Variants in ADAM12 observed in about 807,000 individuals in gnomAD.
ADAM12 encodes the protein ADAM metallopeptidase domain 12, also known as disintegrin and metalloproteinase domain-containing protein 12.
ADAM12 carries 70 observed loss-of-function variants against 106.4 expected under a neutral mutation model. The observed-to-expected ratio is 0.66, with a 90% confidence interval of 0.54 to 0.80. The LOEUF is 0.80. Ranked by LOEUF, ADAM12 falls within the 30% of genes least tolerant of loss-of-function variation. The pLI, the probability that ADAM12 is intolerant of heterozygous loss-of-function variation, is 0.00. For synonymous variants in ADAM12, 420 were observed against 433.5 expected (o/e 0.97, Z 0.39); for missense variants, 1,010 against 1,171.9 (o/e 0.86, Z 2.02).
intron 3 of ADAM12, among the ~76,000 whole-genome samples, chr10:126,163,043 T>A (rs1956964301): frequency 6.6e-6 from 1 of 152,158 alleles, no homozygotes. Context: ...TTTCTCCCGC[T>A]TTCATCATAC....
At chr10:126,329,666 G>A (rs374720240) in intron 2 of ADAM12, among the ~76,000 whole-genome samples, 2 of 152,184 alleles carry the variant, frequency 1.3e-5, no homozygotes, top group East Asian at 1.9e-4. Flanking sequence ...TCATATAAAG[G>A]TGGCCCACTG....
intron 12 of ADAM12, chr10:126,070,619 A>G (rs995851117): frequency 6.6e-6 from 1 of 152,064 alleles, no homozygotes; most frequent in Non-Finnish European, 1.5e-5. Context: ...CATTAAGTCC[A>G]TCTGTGAATT....
intron 3 of ADAM12, among the ~76,000 whole-genome samples, chr10:126,228,769 G>A (rs1189088710): frequency 6.6e-5 from 10 of 152,124 alleles, no homozygotes; most frequent in Non-Finnish European, 1.3e-4. Context: ...GTAGACATGG[G>A]CCAGGCCTCC....
intron 4 of ADAM12, among the ~76,000 whole-genome samples, chr10:126,147,884 T>C (rs1226812404): frequency 6.6e-6 from 1 of 152,258 alleles, no homozygotes; most frequent in Non-Finnish European, 1.5e-5. Flanking sequence ...ACCTGCGTAG[T>C]GCAGGTTCTT....
At chr10:126,304,731 T>C (rs1328717427) in intron 2 of ADAM12, among the ~76,000 whole-genome samples, 2 of 151,814 alleles carry the variant, frequency 1.3e-5, no homozygotes, top group Non-Finnish European at 2.9e-5. Context: ...ATCCAGAATA[T>C]ATAAAGAACT....
intron 9 of ADAM12, among the ~76,000 whole-genome samples, chr10:126,099,566 T>C (rs1473429000): frequency 6.6e-6 from 1 of 152,204 alleles, no homozygotes; most frequent in African/African-American, 2.4e-5. Flanking sequence ...TTGGACAGAC[T>C]CCATTTGGGA....
intron 21 of ADAM12, 41 bp from the exon 22 acceptor site, chr10:126,019,866 G>C: frequency 6.4e-7 from 1 of 1,563,884 alleles, no homozygotes. Context: ...CTTACCAGGA[G>C]CCAGCAGAGG....
intron 5 of ADAM12, among the ~76,000 whole-genome samples, chr10:126,125,249 C>T (rs1453051263): frequency 2.2e-5 from 3 of 134,236 alleles, no homozygotes; most frequent in East Asian, 2.2e-4. Context: ...CTTTTCTTTT[C>T]TTTTTTTTTT....
intron 3 of ADAM12, among the ~76,000 whole-genome samples, chr10:126,201,496 G>A (rs1957700311): frequency 6.6e-6 from 1 of 152,160 alleles, no homozygotes; most frequent in Non-Finnish European, 1.5e-5. Context: ...TCCTCCCAGA[G>A]CCTTGGGAGG....
At chr10:126,202,825 G>A (rs572882381) in intron 3 of ADAM12, among the ~76,000 whole-genome samples, 21 of 152,270 alleles carry the variant, frequency 1.4e-4, no homozygotes, top group African/African-American at 4.3e-4. Context: ...GTTCGCAGAC[G>A]TACGTGTCTC....
chr10:126,311,292 G>A (rs910580127), intron 2 of ADAM12, among the ~76,000 whole-genome samples: 1 of 152,138 alleles, frequency 6.6e-6, no homozygotes, highest in Non-Finnish European at 1.5e-5. Flanking sequence ...GGGCTGGAGT[G>A]GGAGGAGAAA....
At chr10:126,093,713 C>T (rs531879882) in intron 11 of ADAM12, among the ~76,000 whole-genome samples, 16 of 152,332 alleles carry the variant, frequency 1.1e-4, no homozygotes, top group African/African-American at 2.9e-4. Flanking sequence ...AGATAATTAG[C>T]GATTTCTAAA....
chr10:126,122,213 T>A (rs1956128275), intron 5 of ADAM12, among the ~76,000 whole-genome samples: 1 of 152,246 alleles, frequency 6.6e-6, no homozygotes. Flanking sequence ...TCATGTCTCC[T>A]TCTAAGTCAT....
chr10:126,239,183 G>C (rs1404489597), intron 3 of ADAM12, among the ~76,000 whole-genome samples: 1 of 152,212 alleles, frequency 6.6e-6, no homozygotes, highest in East Asian at 1.9e-4. Context: ...ACTAATTCAA[G>C]TAACACCACA....
chr10:126,323,701 T>C (rs1306473003), intron 2 of ADAM12, among the ~76,000 whole-genome samples: 1 of 152,126 alleles, frequency 6.6e-6, no homozygotes, highest in Non-Finnish European at 1.5e-5. Flanking sequence ...CTAATAATGA[T>C]GGTACTCTGT....
intron 1 of ADAM12, among the ~76,000 whole-genome samples, chr10:126,353,633 G>A (rs1309950092): frequency 3.3e-5 from 5 of 152,132 alleles, no homozygotes; most frequent in African/African-American, 9.7e-5. Flanking sequence ...GTTTTATGAA[G>A]GTCTCTGATA....
At chr10:126,227,410 G>A (rs1206655880) in intron 3 of ADAM12, among the ~76,000 whole-genome samples, 3 of 151,926 alleles carry the variant, frequency 2.0e-5, no homozygotes, top group Non-Finnish European at 2.9e-5. Context: ...TCAACTTCAC[G>A]CACATTGTGA....
At chr10:126,378,674 A>G (rs1215637884) in intron 1 of ADAM12, among the ~76,000 whole-genome samples, 1 of 152,196 alleles carries the variant, frequency 6.6e-6, no homozygotes, top group Non-Finnish European at 1.5e-5. Flanking sequence ...GAGAAAAGGT[A>G]TGGCTATAAA....
chr10:126,232,149 T>A (rs1301702371), intron 3 of ADAM12, among the ~76,000 whole-genome samples: 2 of 152,074 alleles, frequency 1.3e-5, no homozygotes, highest in Non-Finnish European at 2.9e-5. Flanking sequence ...ACTTTGCTGA[T>A]GTGATTACAT....
Sources: gnomAD v4.1 joint callset for allele counts (sites outside exome capture counted in the v4.1 genomes callset) on GRCh38, gnomAD v4.1.1 for gene constraint, MANE v1.5 for transcripts, NCBI Gene and HGNC (gene_info 2026-07-23, HGNC 2026-07-21) for gene names.